RESF1: variants seen among roughly 807,000 people sequenced by gnomAD.
RESF1 encodes retroelement silencing factor 1, also known as gonad expressed transcript.
In RESF1, 65 loss-of-function variants were observed where a neutral mutation model predicts 134.7. The observed-to-expected ratio is 0.48, with a 90% confidence interval of 0.40 to 0.59. The LOEUF (loss-of-function observed/expected upper bound fraction) is 0.59. RESF1 is among the 20% of genes least tolerant of loss of function. The pLI, the probability that RESF1 is intolerant of heterozygous loss-of-function variation, is 0.00. For missense variants in RESF1, 2,274 were observed against 2,002.7 expected, an observed-to-expected ratio of 1.14 and a Z score of -2.59; for synonymous variants, 762 against 702.2, an observed-to-expected ratio of 1.09 and a Z score of -1.35.
chr12:31,980,067 T>C (rs1939740306), intron 3 of RESF1, among the ~76,000 whole-genome samples: 1 of 151,900 alleles, frequency 6.6e-6, no homozygotes, highest in African/African-American at 2.4e-5. Context: ...ACAAAAGATA[T>C]TTATGAATTA....
At chr12:31,979,611 C>A (rs1034596235) in intron 3 of RESF1, among the ~76,000 whole-genome samples, 6 of 151,972 alleles carry the variant, frequency 3.9e-5, no homozygotes, top group African/African-American at 1.4e-4. Flanking sequence ...CACCATGGCT[C>A]ACTGCAGCCT....
chr12:31,987,331 A>AAGACTC lies in RESF1; in HGVS notation c.5086+9_5086+10insAGACTC. 1 of 1,476,314 alleles carries AAGACTC rather than the reference A, an allele frequency of 6.8e-7. No individual in the cohort carries two copies. 91.5% of individuals were successfully genotyped at this position (1,476,314 alleles called of 1,614,324 possible). ...AGACAGCCAAGAGAGAGGTAAAGTCATCTTTTTAAATCTTCATTCACTTAT... is the reference window on the plus strand; with the variant it reads ...AGACAGCCAAGAGAGAGGTAAAGTCAAGACTCTCTTTTTAAATCTTCATTCACTTAT... On this transcript the variant is annotated intron_variant, in intron 5 of 5. Coordinates refer to ENST00000312561, the MANE Select transcript of RESF1 (RefSeq NM_018169.4).
At chr12:31,988,472 T>C (rs1371826144) in intron 5 of RESF1, among the ~76,000 whole-genome samples, 14 of 152,320 alleles carry the variant, frequency 9.2e-5, no homozygotes, top group African/African-American at 3.1e-4. Context: ...GGGGGTATGC[T>C]TTAGGTTATA....
In RESF1 at chr12:31,983,704, C is replaced by A; in HGVS notation, c.2749C>A (p.Pro917Thr). ...AATAGCAAAGATATTCAGCTCTCTT[C>A]CCTTGAAAATGGTTGAGCCACAGAA... ...SQIAKIFSSL[P>T]LKMVEPQKPS... Residue 917 changes from proline to threonine, a missense_variant, in exon 4 of 6, where the codon CCC (proline) becomes ACC (threonine). Coordinates refer to ENST00000312561, the MANE Select transcript of RESF1 (RefSeq NM_018169.4). 4 of 1,613,838 alleles carry A rather than the reference C, an allele frequency of 2.5e-6. No individual in the cohort carries two copies. Among genetic ancestry groups the A allele is most frequent in the Non-Finnish European group, 3.4e-6 (4 of 1,180,010 alleles).
Position 31,983,540 on chromosome 12 carries a change from TAG to T in RESF1, c.2588_2589del (p.Glu863ValfsTer19). 6.2e-7 allele frequency: 1 copy of T among 1,614,068 alleles called. No individual in the cohort carries two copies. The highest frequency in any genetic ancestry group is 8.5e-7 in the Non-Finnish European group (1 of 1,179,974). ...GTCAATCAAGGAAAGCATAACAAAT[TAG>T]AGTCAGCTATCCATTCTCCTATGAA... On this transcript the variant is annotated frameshift_variant, in exon 4 of 6. Transcript: ENST00000312561. LOFTEE classifies it high-confidence loss of function.
At chr12:31,989,338 A>G (rs115155591) in intron 5 of RESF1, among the ~76,000 whole-genome samples, 1,486 of 147,786 alleles carry the variant, frequency 0.01, 34 homozygotes, top group African/African-American at 0.036. Context: ...GGAGCTTGCC[A>G]TGAGCCAATA....
chr12:31,967,620 AC>A, intron 2 of RESF1, among the ~76,000 whole-genome samples: 1 of 46,668 alleles, frequency 2.1e-5, no homozygotes, highest in African/African-American at 7.9e-5. Flanking sequence ...ACGCCCGCCC[AC>A]CCCCACCCCC....
In RESF1 at chr12:31,992,414, G is replaced by A. The variant is rs754399013; in HGVS notation, c.5123G>A (p.Ser1708Asn). The A allele has an allele frequency of 1.3e-4, 216 of 1,613,658 alleles. No homozygotes were observed. The highest frequency in any genetic ancestry group is 1.7e-4 in the Non-Finnish European group (197 of 1,179,816). ...VNSRLSKRSF[S>N]ADGFEMLQNP... ...TCAAGACTCTCGAAGAGAAGCTTCA[G>A]TGCAGATGGATTTGAGATGCTACAA... Residue 1708 changes from serine to asparagine, a missense_variant, in exon 6 of 6, where the codon AGT (serine) becomes AAT (asparagine). By Grantham distance (46) the Ser-to-Asn change is conservative. Coordinates refer to ENST00000312561, the MANE Select transcript of RESF1 (RefSeq NM_018169.4).
In RESF1 at chr12:31,983,781, A is replaced by G. The variant is rs560038074; in HGVS notation, c.2826A>G (p.Gln942=). Residue 942 remains glutamine (Q), a synonymous_variant, in exon 4 of 6, where the codon CAA becomes CAG. Transcript: ENST00000312561. ...QGIGSREPEK[Q]LDNTTENKDF... Reference sequence around the variant, plus strand: ...TTGGCAGCAGAGAACCAGAAAAACAATTAGATAATACCACTGAAAATAAAG... The same window carrying G: ...TTGGCAGCAGAGAACCAGAAAAACAGTTAGATAATACCACTGAAAATAAAG... The G allele has an allele frequency of 5.6e-5, 91 of 1,613,462 alleles. No homozygotes were observed. The East Asian group carries it at 1.4e-3, about 25-fold the overall frequency.
intron 5 of RESF1, among the ~76,000 whole-genome samples, chr12:31,990,585 C>T (rs1480390937): frequency 6.6e-6 from 1 of 152,078 alleles, no homozygotes; most frequent in Non-Finnish European, 1.5e-5. Flanking sequence ...TCCTGAGTAG[C>T]GTGAACCACC....
At chr12:31,964,762 C>G (rs773068976) in intron 2 of RESF1, among the ~76,000 whole-genome samples, 7 of 152,252 alleles carry the variant, frequency 4.6e-5, no homozygotes, top group Admixed American at 2.0e-4. Context: ...GGAGAAGTAT[C>G]TATTCAAAAC....
intron 3 of RESF1, among the ~76,000 whole-genome samples, chr12:31,977,953 G>A (rs1939675953): frequency 6.6e-6 from 1 of 151,448 alleles, no homozygotes; most frequent in Non-Finnish European, 1.5e-5. Flanking sequence ...CAACAGGTGT[G>A]CACACCTGGC....
Position 31,992,666 on chromosome 12 carries a change from T to A in RESF1, c.*131T>A. On this transcript the variant is annotated 3_prime_UTR_variant, in exon 6 of 6. Coordinates refer to ENST00000312561, the MANE Select transcript of RESF1 (RefSeq NM_018169.4). ...GTTTGGTTCCCACTTTCATTGTATTTCATTGAAAGTGCTTAATTAAAATGG... is the reference window on the plus strand; with the variant it reads ...GTTTGGTTCCCACTTTCATTGTATTACATTGAAAGTGCTTAATTAAAATGG... The A allele has an allele frequency of 1.1e-6, 1 of 927,252 alleles. No homozygotes were observed. The highest frequency in any genetic ancestry group is 1.7e-6 in the Non-Finnish European group (1 of 589,622). The allele number at this position is 927,252 out of a possible 1,614,324, so 57.4% of individuals were successfully genotyped here.
chr12:31,961,057 G>T (rs1235520164), intron 2 of RESF1, among the ~76,000 whole-genome samples, 186 bp downstream of exon 2: 1 of 152,210 alleles, frequency 6.6e-6, no homozygotes, highest in African/African-American at 2.4e-5. Context: ...TGTTGGCATA[G>T]TACTGAAAAA....
intron 5 of RESF1, among the ~76,000 whole-genome samples, chr12:31,990,154 G>C (rs1234758659): frequency 6.6e-6 from 1 of 152,206 alleles, no homozygotes; most frequent in Non-Finnish European, 1.5e-5. Flanking sequence ...ACACTCAAAA[G>C]ACAGATACAC....
rs144985806 is a variant in RESF1, at chr12:31,981,912, C to T, written c.957C>T (p.Ser319=). ...REMLSSEIRT[S]FQQQWQNPNE... ...TGCTGTCATCTGAAATAAGGACCAGCTTTCAACAGCAGTGGCAAAACCCTA... is the reference window on the plus strand; with the variant it reads ...TGCTGTCATCTGAAATAAGGACCAGTTTTCAACAGCAGTGGCAAAACCCTA... Residue 319 remains serine (S), a synonymous_variant, in exon 4 of 6, where the codon AGC becomes AGT. Coordinates refer to ENST00000312561, the MANE Select transcript of RESF1 (RefSeq NM_018169.4). 1 of 1,614,036 alleles carries T rather than the reference C, an allele frequency of 6.2e-7. No homozygotes were observed. The highest frequency in any genetic ancestry group is 1.3e-5 in the African/African-American group (1 of 74,938).
chr12:31,960,583 A>G (rs1939238262), intron 1 of RESF1, among the ~76,000 whole-genome samples, 194 bp from the exon 2 acceptor site: 1 of 152,188 alleles, frequency 6.6e-6, no homozygotes, highest in South Asian at 2.1e-4. Flanking sequence ...CATAAATTCT[A>G]ACTTAAGTGA....
chr12:31,990,629 C>T (rs1203176822), intron 5 of RESF1, among the ~76,000 whole-genome samples: 1 of 152,044 alleles, frequency 6.6e-6, no homozygotes, highest in East Asian at 1.9e-4. Flanking sequence ...TTAGCAGAGA[C>T]AGAGTTTCAC....
At chr12:31,989,843 C>T (rs987647971) in intron 5 of RESF1, among the ~76,000 whole-genome samples, 20 of 151,508 alleles carry the variant, frequency 1.3e-4, no homozygotes, top group African/African-American at 4.6e-4. Context: ...CAGAGCAAAA[C>T]TCTGTCTCAA....
Sources: gnomAD v4.1 joint callset for allele counts (sites outside exome capture counted in the v4.1 genomes callset) on GRCh38, gnomAD v4.1.1 for gene constraint, MANE v1.5 for transcripts, NCBI Gene and HGNC (gene_info 2026-07-23, HGNC 2026-07-21) for gene names.